SKIC8: variants seen among roughly 807,000 people sequenced by gnomAD.
The protein encoded by SKIC8 is superkiller complex protein 8.
the SKIC8 span, chr15:78,294,815 T>C: frequency 1.1e-6 from 1 of 947,242 alleles, no homozygotes; most frequent in Non-Finnish European, 1.6e-6. Flanking sequence ...GTATTTGTTT[T>C]CAGCTGCCAA....
the SKIC8 span, chr15:78,288,804 G>A: frequency 2.8e-6 from 1 of 359,470 alleles, no homozygotes; most frequent in African/African-American, 2.1e-5. Context: ...ATTCAAAACA[G>A]CACAACAGTA....
the SKIC8 span, chr15:78,292,854 C>A: frequency 6.3e-7 from 1 of 1,579,108 alleles, no homozygotes; most frequent in South Asian, 1.1e-5. Context: ...ATCTGAAATT[C>A]TGGGTCCCTG....
the SKIC8 span, chr15:78,292,966 A>ATT: frequency 3.2e-4 from 253 of 787,316 alleles, no homozygotes; most frequent in Non-Finnish European, 4.1e-4. Flanking sequence ...GGACTTTAAG[A>ATT]TTTTTTTTTT....
chr15:78,284,384 T>C, the SKIC8 span: 2 of 152,206 alleles, frequency 1.3e-5, no homozygotes, highest in African/African-American at 4.8e-5. Flanking sequence ...AAAATAAGCA[T>C]GAACAATGTT....
chr15:78,297,138 A>C, the SKIC8 span, among the ~76,000 whole-genome samples: 1 of 152,242 alleles, frequency 6.6e-6, no homozygotes, highest in Non-Finnish European at 1.5e-5. Context: ...TGCATTTAGA[A>C]GCACCTCAGC....
chr15:78,287,792 C>T, the SKIC8 span, among the ~76,000 whole-genome samples: 1 of 152,158 alleles, frequency 6.6e-6, no homozygotes, highest in Non-Finnish European at 1.5e-5. Flanking sequence ...GATTAACTTG[C>T]TTCTATACTC....
chr15:78,283,450 G>A, the SKIC8 span: 1 of 1,613,642 alleles, frequency 6.2e-7, no homozygotes, highest in Non-Finnish European at 8.5e-7. Flanking sequence ...GACAATCATA[G>A]ATGTGAATTT....
the SKIC8 span, among the ~76,000 whole-genome samples, chr15:78,287,720 G>A: frequency 6.6e-6 from 1 of 152,132 alleles, no homozygotes; most frequent in Admixed American, 6.6e-5. Context: ...AATGATGGGG[G>A]AAAAGAAGAA....
the SKIC8 span, chr15:78,294,346 T>C: frequency 6.6e-6 from 1 of 152,518 alleles, no homozygotes; most frequent in Non-Finnish European, 1.5e-5. Context: ...AGAAATGAGA[T>C]GGGTGAGTAG....
chr15:78,295,722 A>T, the SKIC8 span: 4 of 1,525,310 alleles, frequency 2.6e-6, no homozygotes, highest in Admixed American at 2.1e-5. Flanking sequence ...AAGGCCAGAC[A>T]GCTCTGTGGA....
At chr15:78,294,014 C>A in the SKIC8 span, among the ~76,000 whole-genome samples, 21 of 152,320 alleles carry the variant, frequency 1.4e-4, no homozygotes, top group Admixed American at 1.4e-3. Flanking sequence ...GGCAACAATT[C>A]TCCAGCGATA....
the SKIC8 span, chr15:78,295,897 G>T: frequency 2.1e-6 from 1 of 480,472 alleles, no homozygotes; most frequent in Non-Finnish European, 3.6e-6. Context: ...AGGTGGTATG[G>T]TCTTCTTTCT....
At chr15:78,284,729 G>A in the SKIC8 span, 1 of 152,566 alleles carries the variant, frequency 6.6e-6, no homozygotes, top group African/African-American at 2.4e-5. Context: ...AGATAAAGTT[G>A]CTTGTGAGAA....
At chr15:78,297,035 A>G in the SKIC8 span, among the ~76,000 whole-genome samples, 1 of 152,242 alleles carries the variant, frequency 6.6e-6, no homozygotes, top group African/African-American at 2.4e-5. Flanking sequence ...CACTTACTGA[A>G]TATACATTAG....
At chr15:78,286,352 C>T in the SKIC8 span, 3 of 446,360 alleles carry the variant, frequency 6.7e-6, no homozygotes, top group Non-Finnish European at 1.2e-5. Flanking sequence ...GTGTTGACAC[C>T]ACCAAAAGCC....
chr15:78,290,025 T>C, the SKIC8 span: 1 of 1,614,142 alleles, frequency 6.2e-7, no homozygotes. Context: ...ACACCAAAAA[T>C]GTTCACTTTC....
chr15:78,293,377 ACTATT>A, the SKIC8 span: 42 of 1,149,802 alleles, frequency 3.7e-5, no homozygotes, highest in Admixed American at 7.6e-4. Flanking sequence ...TATTTGCTTT[ACTATT>A]TTACAAAGTG....
the SKIC8 span, among the ~76,000 whole-genome samples, chr15:78,287,491 G>A: frequency 6.6e-6 from 1 of 152,234 alleles, no homozygotes. Flanking sequence ...TGGATGGTCA[G>A]GGTTGCAGTA....
At chr15:78,297,185 C>T in the SKIC8 span, among the ~76,000 whole-genome samples, 12 of 152,112 alleles carry the variant, frequency 7.9e-5, no homozygotes, top group Admixed American at 3.3e-4. Flanking sequence ...GTGGAATCAC[C>T]GACAAAAAGC....
Sources: allele counts gnomAD v4.1 joint callset (sites outside exome capture counted in the v4.1 genomes callset), GRCh38; gene constraint gnomAD v4.1.1; transcripts MANE v1.5; gene names NCBI Gene and HGNC (gene_info 2026-07-23, HGNC 2026-07-21).